The following BET1 variants were observed in gnomAD, a reference collection of about 807,000 sequenced individuals.
The protein encoded by BET1 is BET1 homolog.
BET1 carries 9 observed loss-of-function variants against 13.9 expected under a neutral mutation model. The ratio of observed to expected loss-of-function variants is 0.65; its 90% confidence interval spans 0.39 to 1.13. The LOEUF (loss-of-function observed/expected upper bound fraction) is 1.13. Among genes scored for constraint, BET1 ranks in the 50% most tolerant of loss-of-function variants. The pLI is 0.01. For synonymous variants in BET1, 39 were observed against 47.3 expected (o/e 0.82, Z 0.72); for missense variants, 127 against 133.6 (o/e 0.95, Z 0.24).
At chr7:93,982,300 G>A (rs900011275) in intron 4 of BET1, among the ~76,000 whole-genome samples, 35 of 152,174 alleles carry the variant, frequency 2.3e-4, no homozygotes, top group African/African-American at 8.4e-4. Flanking sequence ...TAAGATGATA[G>A]TTCCAATGGT....
intron 3 of BET1, 107 bp from the exon 4 acceptor site, chr7:93,994,492 G>C (rs1315466791): frequency 2.8e-5 from 35 of 1,234,982 alleles, no homozygotes; most frequent in Non-Finnish European, 3.5e-5. Flanking sequence ...TGTAATGACA[G>C]TTTTGTGTTT....
chr7:93,972,854 T>C (rs998003827), intron 5 of BET1, among the ~76,000 whole-genome samples: 20 of 151,864 alleles, frequency 1.3e-4, no homozygotes, highest in African/African-American at 4.8e-4. Flanking sequence ...TTTTTTTTTT[T>C]TTCTTCTATC....
rs73715577 is a variant in BET1, at chr7:93,977,366, C to T, written c.236-1266G>A. On this transcript the variant is annotated intron_variant and NMD_transcript_variant, in intron 4 of 6. Coordinates refer to the BET1 transcript ENST00000357520. Reference sequence around the variant, plus strand: ...GTTTTTTGCCTGCCAGTCTAAGTCACTATTTAGCCTTCATTGGCTTTGTTA... The same window carrying T: ...GTTTTTTGCCTGCCAGTCTAAGTCATTATTTAGCCTTCATTGGCTTTGTTA... Among the ~76,000 whole-genome samples the T allele has an allele frequency of 8.8e-3, 1,344 of 152,188 alleles. 23 individuals carry two copies. Among genetic ancestry groups the T allele is most frequent in the African/African-American group, 0.031 (1,269 of 41,536 alleles).
chr7:93,976,216 A>G (rs1410369755), intron 4 of BET1: 2 of 745,936 alleles, frequency 2.7e-6, no homozygotes, highest in Non-Finnish European at 1.8e-6. Context: ...CTGAGCAGGT[A>G]TTCAGAGAAT....
chr7:93,994,875 C>T (rs375352240), intron 3 of BET1, among the ~76,000 whole-genome samples: 184 of 118,356 alleles, frequency 1.6e-3, no homozygotes, highest in African/African-American at 7.0e-3. Flanking sequence ...GACGGAGTCT[C>T]GCTCGTTGCC....
chr7:93,967,682 C>A (rs1343884929), intron 6 of BET1, among the ~76,000 whole-genome samples: 5 of 151,690 alleles, frequency 3.3e-5, no homozygotes, highest in Non-Finnish European at 7.4e-5. Flanking sequence ...TAAAAAATAT[C>A]TTGTACTGAA....
At chr7:93,964,228 A>G (rs1247173839) in exon 7 of BET1, 1 of 152,044 alleles carries the variant, frequency 6.6e-6, no homozygotes, top group Non-Finnish European at 1.5e-5. Flanking sequence ...CCAAGTAGTG[A>G]GCATAGTACC....
intron 5 of BET1, among the ~76,000 whole-genome samples, chr7:93,975,675 T>C (rs1795324072): frequency 6.6e-6 from 1 of 152,086 alleles, no homozygotes; most frequent in African/African-American, 2.4e-5. Context: ...ACTTAAATTG[T>C]CATTAAGTCA....
In BET1 at chr7:93,999,311, CA is replaced by C; in HGVS notation, c.20-18del. ...CTCCTTCACCTGCAAGGATCAGAGT[CA>C]CAAAGGTGGTTCTAGAGAAGCCACT... On this transcript the variant is annotated intron_variant, in intron 1 of 3. Coordinates refer to ENST00000222547, the MANE Select transcript of BET1 (RefSeq NM_005868.6). 1 of 1,593,554 alleles carries C rather than the reference CA, an allele frequency of 6.3e-7. No individual in the cohort carries two copies. Among genetic ancestry groups the C allele is most frequent in the Admixed American group, 1.8e-5 (1 of 56,778 alleles).
downstream of BET1, among the ~76,000 whole-genome samples, chr7:93,989,734 A>G (rs1795595487): frequency 6.6e-6 from 1 of 152,240 alleles, no homozygotes; most frequent in South Asian, 2.1e-4. Flanking sequence ...AAGACAAAAG[A>G]GTGTGTAACC....
intron 5 of BET1, among the ~76,000 whole-genome samples, chr7:93,973,833 T>C (rs1795296756): frequency 1.3e-5 from 2 of 152,056 alleles, no homozygotes; most frequent in South Asian, 4.1e-4. Context: ...ATACAAACTG[T>C]AGCAAATGTA....
intron 1 of BET1, among the ~76,000 whole-genome samples, chr7:94,001,042 C>G (rs1795894153): frequency 6.6e-6 from 1 of 152,190 alleles, no homozygotes; most frequent in South Asian, 2.1e-4. Flanking sequence ...CAGGAGGTAA[C>G]AGCACTGATC....
intron 3 of BET1, among the ~76,000 whole-genome samples, chr7:93,995,029 A>T (rs975125023): frequency 1.3e-5 from 2 of 152,232 alleles, no homozygotes. Flanking sequence ...TATTTTTAGT[A>T]GAGATGGGGT....
At chr7:93,977,134 T>G (rs536507655) in intron 4 of BET1, among the ~76,000 whole-genome samples, 1 of 152,256 alleles carries the variant, frequency 6.6e-6, no homozygotes, top group Admixed American at 6.5e-5. Flanking sequence ...TGGATGAAGT[T>G]TCGTCTACTG....
chr7:93,974,808 T>C (rs1795311641), intron 5 of BET1, among the ~76,000 whole-genome samples: 1 of 151,996 alleles, frequency 6.6e-6, no homozygotes. Context: ...AAGTAACTCT[T>C]ACAAAATATT....
chr7:93,992,529 G>T (rs1446075287), downstream of BET1: 4 of 984,992 alleles, frequency 4.1e-6, no homozygotes, highest in Non-Finnish European at 4.8e-6. Flanking sequence ...GTGAGCTCTG[G>T]TGTCACATAC....
At position 93,975,817 on chromosome 7, in the gene BET1, A is replaced by G. The variant is rs1047658302; in HGVS notation, c.*48+87T>C. On this transcript the variant is annotated intron_variant and NMD_transcript_variant, in intron 5 of 6. Transcript: ENST00000357520. ...AAGAATGTCATGATGTTCTCTTTTA[A>G]TATCATGCTCAATCACACCTGCCAG... 1.2e-5 allele frequency: 7 copies of G among 606,236 alleles called. No homozygotes were observed. In the African/African-American group the frequency reaches 1.3e-4, roughly 12 times the overall value. The allele number at this position is 606,236 out of a possible 1,614,324, so 37.6% of individuals were successfully genotyped here. A position where few individuals can be genotyped will look rare whatever the true frequency, so the allele number is the denominator to read the frequency against.
At chr7:93,992,971 AC>A (rs1282899222), downstream of BET1, 1 of 985,286 alleles carries the variant, frequency 1.0e-6, no homozygotes, top group Non-Finnish European at 1.2e-6. Context: ...CCAAATAATG[AC>A]GAATGAAGCC....
chr7:93,990,416 C>G (rs1480163255), downstream of BET1, among the ~76,000 whole-genome samples: 1 of 151,866 alleles, frequency 6.6e-6, no homozygotes, highest in Non-Finnish European at 1.5e-5. Context: ...AATTGATGAC[C>G]TGACAAGGTT....
Sources: gnomAD v4.1 joint callset for allele counts (sites outside exome capture counted in the v4.1 genomes callset) on GRCh38, gnomAD v4.1.1 for gene constraint, MANE v1.5 for transcripts, NCBI Gene and HGNC (gene_info 2026-07-23, HGNC 2026-07-21) for gene names.